ZNF7: variants seen among roughly 807,000 people sequenced by gnomAD.
The protein encoded by ZNF7 is zinc finger protein 7.
In ZNF7, 10 loss-of-function variants were observed where a neutral mutation model predicts 12.0. The observed-to-expected ratio is 0.83, with a 90% CI of 0.51 to 1.42. The LOEUF (loss-of-function observed/expected upper bound fraction) is 1.42. Ranked by LOEUF, ZNF7 falls within the 40% of genes most tolerant of loss-of-function variation. The pLI, the probability that ZNF7 is intolerant of heterozygous loss-of-function variation, is 0.00. For synonymous variants in ZNF7, 334 were observed against 295.0 expected (o/e 1.13, Z -1.35); for missense variants, 854 against 837.2 (o/e 1.02, Z -0.25).
intron 4 of ZNF7, among the ~76,000 whole-genome samples, chr8:144,840,372 G>A (rs773998681): frequency 6.6e-6 from 1 of 152,238 alleles, no homozygotes; most frequent in Admixed American, 6.5e-5. Flanking sequence ...GTTAGGAGTG[G>A]GCAGGAACCG....
intron 3 of ZNF7, among the ~76,000 whole-genome samples, chr8:144,831,566 G>A (rs1315887038): frequency 6.6e-6 from 1 of 151,926 alleles, no homozygotes; most frequent in Non-Finnish European, 1.5e-5. Context: ...GGTGGATCAT[G>A]AGGTCAGGAG....
intron 4 of ZNF7, among the ~76,000 whole-genome samples, chr8:144,840,584 G>T (rs1287566950): frequency 6.6e-6 from 1 of 152,220 alleles, no homozygotes; most frequent in South Asian, 2.1e-4. Context: ...CTCAGCAGAG[G>T]TGCCCTCTAG....
At chr8:144,835,466 C>T (rs927445991) in intron 3 of ZNF7, 1 of 152,150 alleles carries the variant, frequency 6.6e-6, no homozygotes, top group Non-Finnish European at 1.5e-5. Context: ...TTCCAAAATG[C>T]TGGGATTATA....
intron 4 of ZNF7, 83 bp downstream of exon 4, chr8:144,837,590 G>T (rs368141564): frequency 3.2e-5 from 34 of 1,049,710 alleles, no homozygotes; most frequent in East Asian, 3.0e-4. Context: ...GTAGCTGTGG[G>T]TGAGTCGCGG....
chr8:144,840,697 G>A (rs191995235), intron 4 of ZNF7, among the ~76,000 whole-genome samples: 6 of 152,252 alleles, frequency 3.9e-5, no homozygotes, highest in African/African-American at 1.4e-4. Context: ...GCAGCCCCAG[G>A]GAAGAAGTCA....
At position 144,843,392 on chromosome 8, in the gene ZNF7, A is replaced by G. The variant is rs778629290; in HGVS notation, c.*224A>G. The G allele has an allele frequency of 1.1e-5, 5 of 457,366 alleles. No homozygotes were observed. The highest frequency in any genetic ancestry group is 4.2e-5 in the South Asian group (1 of 23,690). 28.3% of individuals were successfully genotyped at this position (457,366 alleles called of 1,614,324 possible). ...ATCACGAGGTCAGGAGGTTGAGACC[A>G]TCCTGGGTAACAGGTGAAACCCCAT... On this transcript the variant is annotated 3_prime_UTR_variant, in exon 5 of 5. Transcript: ENST00000532777.
downstream of ZNF7, among the ~76,000 whole-genome samples, chr8:144,845,609 A>G (rs1350130877): frequency 6.6e-6 from 1 of 152,188 alleles, no homozygotes; most frequent in East Asian, 1.9e-4. Flanking sequence ...CACAGCATCT[A>G]ATTAAGGCTG....
intron 2 of ZNF7, 162 bp from the exon 3 acceptor site, chr8:144,829,316 T>G: frequency 6.5e-7 from 1 of 1,537,592 alleles, no homozygotes; most frequent in Non-Finnish European, 8.7e-7. Flanking sequence ...GGTTCCTTCC[T>G]CCTCCCCGAG....
Position 144,841,531 on chromosome 8 carries a change from A to T in ZNF7, c.424A>T (p.Lys142Ter). 2 of 1,614,188 alleles carry T rather than the reference A, an allele frequency of 1.2e-6. No homozygotes were observed. Among genetic ancestry groups the T allele is most frequent in the Non-Finnish European group, 1.7e-6 (2 of 1,180,052 alleles). The change falls in exon 5 of 5, where the codon AAA becomes TAA. Residue 142 changes from lysine to a stop codon, truncating the protein, a stop_gained. Transcript: ENST00000532777. LOFTEE classifies it low-confidence loss of function (END_TRUNC). ...CAGTCATCTGGGCAGTCCCGGGCTG[A>T]AAGTGACAGGCTTTACCTTCCAAAA... The part of the protein sequence containing the change: ...LDSHLGSPGL[K>*]VTGFTFQNNC...
intron 3 of ZNF7, chr8:144,834,277 T>G (rs1223732715): frequency 6.6e-6 from 1 of 152,244 alleles, no homozygotes; most frequent in African/African-American, 2.4e-5. Context: ...TGGAACTCCC[T>G]GGGTAAATCA....
chr8:144,840,684 C>CT (rs1829775561), intron 4 of ZNF7, among the ~76,000 whole-genome samples: 1 of 152,150 alleles, frequency 6.6e-6, no homozygotes, highest in African/African-American at 2.4e-5. Context: ...CCTCCAGAAA[C>CT]TTGCAGCCCC....
intron 1 of ZNF7, chr8:144,827,853 C>G: frequency 4.3e-6 from 1 of 233,058 alleles, no homozygotes; most frequent in Non-Finnish European, 7.0e-6. Flanking sequence ...CCCCGCAGAC[C>G]CCGCTCGTGG....
At chr8:144,837,170 G>A (rs933686910) in intron 3 of ZNF7, 2 of 386,872 alleles carry the variant, frequency 5.2e-6, no homozygotes, top group Admixed American at 3.8e-5. Flanking sequence ...TGGGAGTCAG[G>A]TATCCCTTGC....
At chr8:144,830,902 G>A (rs1173630176) in intron 3 of ZNF7, 5 of 458,114 alleles carry the variant, frequency 1.1e-5, no homozygotes, top group Admixed American at 9.4e-5. Context: ...CCCAGCCGGA[G>A]TAAGGGTACT....
intron 4 of ZNF7, chr8:144,838,156 C>G (rs1261333620): frequency 2.8e-6 from 2 of 702,800 alleles, no homozygotes; most frequent in African/African-American, 3.5e-5. Context: ...GGATGCGTCC[C>G]TCACTCTGAT....
Position 144,842,678 on chromosome 8 carries a change from C to T in ZNF7, c.1571C>T (p.Pro524Leu). The T allele has an allele frequency of 6.2e-7, 1 of 1,614,134 alleles. No individual in the cohort carries two copies. Among genetic ancestry groups the T allele is most frequent in the Non-Finnish European group, 8.5e-7 (1 of 1,180,042 alleles). Reference protein sequence around the residue: ...YHQRIHKGEKPYECLQCGKAF... With the variant: ...YHQRIHKGEKLYECLQCGKAF... ...CAGAGAATCCATAAAGGAGAGAAGC[C>T]CTACGAATGCCTCCAATGCGGAAAA... The change falls in exon 5 of 5, where the codon CCC (proline) becomes CTC (leucine). Residue 524 changes from proline to leucine, a missense_variant. Physicochemically the swap from Pro to Leu is moderately conservative, Grantham distance 98. Transcript: ENST00000532777.
rs764992739 is a variant in ZNF7 at position 144,837,388 on chromosome 8, C to G, written c.131-3C>G. The G allele has an allele frequency of 6.2e-7, 1 of 1,606,690 alleles. No individual in the cohort carries two copies. The highest frequency in any genetic ancestry group is 8.5e-7 in the Non-Finnish European group (1 of 1,174,140). On this transcript the variant is annotated splice_polypyrimidine_tract_variant and splice_region_variant and intron_variant, in intron 3 of 4. Transcript: ENST00000532777. ...ACTGTTGTCTTCTCTGCCGCACACA[C>G]AGCAGGATTCCTGGTTTTCAAGCCT...
chr8:144,839,380 C>A (rs1209006359), intron 4 of ZNF7, among the ~76,000 whole-genome samples: 1 of 152,212 alleles, frequency 6.6e-6, no homozygotes, highest in Non-Finnish European at 1.5e-5. Context: ...GCTGGCTACT[C>A]CCATGTGATC....
chr8:144,833,814 CTT>C (rs1212670790), intron 3 of ZNF7: 1 of 152,104 alleles, frequency 6.6e-6, no homozygotes, highest in African/African-American at 2.4e-5. Context: ...GAGTTTCGCT[CTT>C]GTTGCCCAGG....
Sources: allele counts gnomAD v4.1 joint callset (sites outside exome capture counted in the v4.1 genomes callset), GRCh38; gene constraint gnomAD v4.1.1; transcripts MANE v1.5; gene names NCBI Gene and HGNC (gene_info 2026-07-23, HGNC 2026-07-21).